The following SYT1 variants were observed in gnomAD, a reference collection of about 807,000 sequenced individuals.
The protein encoded by SYT1 is synaptotagmin-1.
SYT1 carries 8 observed loss-of-function variants against 44.8 expected under a neutral mutation model. The observed-to-expected ratio is 0.18, with a 90% CI of 0.10 to 0.32. The LOEUF is 0.32. Ranked by LOEUF, SYT1 falls within the 10% of genes least tolerant of loss-of-function variation. SYT1 has a pLI of 1.00. For missense variants in SYT1, 286 were observed against 509.3 expected (o/e 0.56, Z 4.22); for synonymous variants, 154 against 188.8 (o/e 0.82, Z 1.51).
At chr12:79,017,865 A>G (rs184939048) in intron 2 of SYT1, among the ~76,000 whole-genome samples, 158 of 152,198 alleles carry the variant, frequency 1.0e-3, no homozygotes, top group African/African-American at 2.8e-3. Context: ...AGTTTAGTAT[A>G]GAAGTCATGG....
chr12:79,228,212 C>T (rs1306225705), intron 4 of SYT1, among the ~76,000 whole-genome samples: 4 of 151,990 alleles, frequency 2.6e-5, no homozygotes, highest in Non-Finnish European at 5.9e-5. Context: ...CCTACTTTAC[C>T]TCTCCCATCA....
At chr12:79,410,968 G>A (rs1233535758) in intron 9 of SYT1, among the ~76,000 whole-genome samples, 15 of 152,156 alleles carry the variant, frequency 9.9e-5, no homozygotes, top group African/African-American at 1.9e-4. Context: ...TCAGTAAACA[G>A]TTCTGATTTG....
chr12:79,004,320 A>T (rs1162782975), intron 2 of SYT1, among the ~76,000 whole-genome samples: 1 of 151,932 alleles, frequency 6.6e-6, no homozygotes. Flanking sequence ...TAACTAATTC[A>T]TCTAATTCTC....
intron 3 of SYT1, among the ~76,000 whole-genome samples, chr12:79,087,277 C>CAGA (rs1877445958): frequency 6.6e-6 from 1 of 152,062 alleles, no homozygotes; most frequent in Admixed American, 6.6e-5. Context: ...ATTAAAAAAG[C>CAGA]AGAAGGAGAG....
chr12:79,407,221 T>C (rs910764640), intron 9 of SYT1, among the ~76,000 whole-genome samples: 3 of 152,092 alleles, frequency 2.0e-5, no homozygotes, highest in Admixed American at 1.3e-4. Context: ...TGACTAATCA[T>C]ACTCTGTGTA....
At chr12:78,918,388 A>G (rs541587342) in intron 1 of SYT1, among the ~76,000 whole-genome samples, 2 of 152,178 alleles carry the variant, frequency 1.3e-5, no homozygotes, top group Admixed American at 1.3e-4. Context: ...TGCAGCATTC[A>G]TGTGTAATTT....
intron 2 of SYT1, among the ~76,000 whole-genome samples, chr12:79,019,376 A>G (rs1181669578): frequency 6.6e-6 from 1 of 152,072 alleles, no homozygotes; most frequent in Non-Finnish European, 1.5e-5. Flanking sequence ...ACTAGTTTGA[A>G]TTACCATCAA....
At chr12:79,428,667 A>G (rs1242715560) in intron 9 of SYT1, among the ~76,000 whole-genome samples, 5 of 152,172 alleles carry the variant, frequency 3.3e-5, no homozygotes, top group African/African-American at 1.2e-4. Flanking sequence ...ACCAGGTTCT[A>G]TTGTGGGACC....
At position 79,265,392 on chromosome 12, in the gene SYT1, G is replaced by A. The variant is rs1878069950; in HGVS notation, c.167-20395G>A. On this transcript the variant is annotated intron_variant, in intron 4 of 10. Transcript: ENST00000261205. ...TGCCCTGTTGTTGTTATGATTAATA[G>A]CAATTATGTTTTTTGACAAATGATT... Among the ~76,000 whole-genome samples the A allele has an allele frequency of 2.0e-5, 3 of 152,014 alleles. No homozygotes were observed. In the South Asian group the frequency reaches 6.2e-4, roughly 32 times the overall value.
chr12:79,448,832 C>A, intron 10 of SYT1, 86 bp from the exon 11 acceptor site: 1 of 1,213,388 alleles, frequency 8.2e-7, no homozygotes, highest in Non-Finnish European at 1.2e-6. Flanking sequence ...CTTCTATTTC[C>A]AATTCTTTAG....
chr12:79,239,289 T>C (rs996649765), intron 4 of SYT1, among the ~76,000 whole-genome samples: 13 of 152,168 alleles, frequency 8.5e-5, no homozygotes, highest in Non-Finnish European at 1.2e-4. Flanking sequence ...AGAGACATTT[T>C]GAAAATACTT....
At chr12:78,943,118 G>A (rs752049842) in intron 1 of SYT1, among the ~76,000 whole-genome samples, 12 of 151,976 alleles carry the variant, frequency 7.9e-5, no homozygotes, top group Non-Finnish European at 1.2e-4. Flanking sequence ...ATTTATAAGG[G>A]GTTTCTAATC....
At chr12:79,093,142 G>A (rs72484634) in intron 3 of SYT1, among the ~76,000 whole-genome samples, 3,541 of 151,636 alleles carry the variant, frequency 0.023, 120 homozygotes, top group South Asian at 0.11. Context: ...ATAACTTAGC[G>A]TATTAAATAG....
intron 1 of SYT1, among the ~76,000 whole-genome samples, chr12:78,973,939 ATATATATATATATATATATATAT>A (rs1419584731): frequency 0.24 from 2,739 of 11,430 alleles, 435 homozygotes; most frequent in Non-Finnish European, 0.27. Context: ...AAAAAAAAAA[ATATATATATATATATATATATAT>A]ATATATATAT....
rs1184141339 is a variant in SYT1, at chr12:79,372,684, G to A, written c.928+19065G>A. On this transcript the variant is annotated intron_variant, in intron 9 of 10. Transcript: ENST00000261205. ...GTGAACTGAAGCTGTTGATTATACA[G>A]GAGGATTCCCCAACAAGTAGATCTA... Among the ~76,000 whole-genome samples the A allele has an allele frequency of 2.0e-5, 3 of 152,178 alleles. No homozygotes were observed. In the East Asian group the frequency reaches 5.8e-4, roughly 29 times the overall value.
At chr12:79,107,649 T>G (rs1878792590) in intron 3 of SYT1, among the ~76,000 whole-genome samples, 1 of 152,064 alleles carries the variant, frequency 6.6e-6, no homozygotes, top group Non-Finnish European at 1.5e-5. Flanking sequence ...CATGCTTATA[T>G]GCATAGAATA....
chr12:79,024,222 G>A (rs933031153), intron 2 of SYT1, among the ~76,000 whole-genome samples: 2 of 151,710 alleles, frequency 1.3e-5, no homozygotes, highest in East Asian at 2.0e-4. Flanking sequence ...ATTCAAAGAC[G>A]TATTTGCTGG....
intron 9 of SYT1, among the ~76,000 whole-genome samples, chr12:79,402,311 A>C (rs1885099175): frequency 6.6e-6 from 1 of 152,206 alleles, no homozygotes; most frequent in South Asian, 2.1e-4. Flanking sequence ...AAGTGCTGCC[A>C]TGTAAACTTG....
chr12:79,204,985 G>T (rs2138511320), intron 3 of SYT1, among the ~76,000 whole-genome samples: 3 of 77,952 alleles, frequency 3.8e-5, no homozygotes, highest in African/African-American at 1.2e-4. Flanking sequence ...TTTTTTTTGA[G>T]ACGGAGTCTC....
Sources: gnomAD v4.1 joint callset for allele counts (sites outside exome capture counted in the v4.1 genomes callset) on GRCh38, gnomAD v4.1.1 for gene constraint, MANE v1.5 for transcripts, NCBI Gene and HGNC (gene_info 2026-07-23, HGNC 2026-07-21) for gene names.